Variants in ATP13A1 observed in about 807,000 individuals in gnomAD.
The protein encoded by ATP13A1 is ATPase 13A1, also known as endoplasmic reticulum transmembrane helix translocase.
A neutral mutation model predicts 134.8 loss-of-function variants in ATP13A1; 55 were observed. The observed-to-expected ratio is 0.41, with a 90% confidence interval of 0.33 to 0.51. The LOEUF is 0.51. ATP13A1 is among the 20% of genes least tolerant of loss of function. The probability of loss-of-function intolerance (pLI) is 0.29; values close to 1 mark genes in which losing one functional copy is unlikely to be tolerated. For synonymous variants in ATP13A1, 775 were observed against 725.1 expected (o/e 1.07, Z -1.10); for missense variants, 1,389 against 1,652.8 (o/e 0.84, Z 2.77).
Position 19,646,290 on chromosome 19 carries a change from T to C in ATP13A1, c.3163A>G (p.Ile1055Val), listed in dbSNP as rs148039463. ...AAGAACTGGAGCATGACGGTGAGGA[T>C]GGTGTACAGGTTGAAGATGTTGGGC... ...PLPNIFNLYT[I>V]LTVMLQFFVH... Residue 1055 changes from isoleucine to valine, a missense_variant, in exon 23 of 26, where the codon ATC becomes GTC. By Grantham distance (29) the Ile-to-Val change is conservative. This residue lies in a region of ATP13A1 where 228 missense variants were observed against 321.0 expected (regional missense o/e 0.71). Transcript: ENST00000357324. 3.7e-4 allele frequency: 590 copies of C among 1,613,584 alleles called. No individual in the cohort carries two copies. The highest frequency in any genetic ancestry group is 4.9e-4 in the Non-Finnish European group (576 of 1,179,790).
Position 19,659,940 on chromosome 19 carries a change from G to A in ATP13A1, c.444C>T (p.Pro148=), listed in dbSNP as rs768896939. The change falls in exon 2 of 26, where the codon CCC becomes CCT. Residue 148 remains proline (P), a synonymous_variant. Coordinates refer to ENST00000357324, the MANE Select transcript of ATP13A1 (RefSeq NM_020410.3). ...CCACGAGCTCCGTGGAGCCATTGTTGGGGGTTGGCACCACCTTCACAAAGG... is the reference window on the plus strand; with the variant it reads ...CCACGAGCTCCGTGGAGCCATTGTTAGGGGTTGGCACCACCTTCACAAAGG... ...KATFVKVVPT[P]NNGSTELVAL... is the part of the protein sequence containing the mutation. The A allele has an allele frequency of 1.9e-6, 3 of 1,586,198 alleles. No homozygotes were observed. The highest frequency in any genetic ancestry group is 4.6e-5 in the East Asian group (2 of 43,874).
rs1391596964 is a variant in ATP13A1 at position 19,655,021 on chromosome 19, C to T, written c.1655+98G>A. On this transcript the variant is annotated intron_variant, in intron 12 of 25. Coordinates refer to ENST00000357324, the MANE Select transcript of ATP13A1 (RefSeq NM_020410.3). This position sits in a 1 kb window ranked among gnomAD's most constrained non-coding sequence, Gnocchi z 5.7. Reference sequence around the variant, plus strand: ...AACCCGAGGCAGGGCCTCTGACGGGCCCTCACTGCAAGGGCTTGGGGTGGA... The same window carrying T: ...AACCCGAGGCAGGGCCTCTGACGGGTCCTCACTGCAAGGGCTTGGGGTGGA... 2.6e-6 allele frequency: 4 copies of T among 1,523,714 alleles called. No homozygotes were observed. Among genetic ancestry groups the T allele is most frequent in the Non-Finnish European group, 3.5e-6 (4 of 1,134,788 alleles). 94.4% of individuals were successfully genotyped at this position (1,523,714 alleles called of 1,614,324 possible). A position where few individuals can be genotyped will look rare whatever the true frequency, so the allele number is the denominator to read the frequency against.
Position 19,659,881 on chromosome 19 carries a change from C to T in ATP13A1, c.486+17G>A. 2 of 1,587,978 alleles carry T rather than the reference C, an allele frequency of 1.3e-6. No individual in the cohort carries two copies. The highest frequency in any genetic ancestry group is 1.7e-6 in the Non-Finnish European group (2 of 1,166,754). ...TACTCAAGCCCCTCCTCCAGGAGCC[C>T]AGCAGGCAGTCCCTACCTCATTGCG... On this transcript the variant is annotated intron_variant, in intron 2 of 25. Coordinates refer to ENST00000357324, the MANE Select transcript of ATP13A1 (RefSeq NM_020410.3).
In ATP13A1 at chr19:19,646,194, G is replaced by A. The variant is rs1179553827; in HGVS notation, c.3248+11C>T. ...CTGCAGGGACATCACCTCCTCCAAG[G>A]CAGCACTTACTTCTCGGGGCTCCGG... On this transcript the variant is annotated intron_variant, in intron 23 of 25. Coordinates refer to ENST00000357324, the MANE Select transcript of ATP13A1 (RefSeq NM_020410.3). 1.9e-6 allele frequency: 3 copies of A among 1,613,444 alleles called. No homozygotes were observed. The African/African-American group carries it at 4.0e-5, about 22-fold the overall frequency.
rs755379513 is a variant in ATP13A1, at chr19:19,654,005, C to G, written c.1953G>C (p.Ala651=). ...GAGTTTCGGGGGCCCCCTTCACGGC[C>G]GCGATGTAGCAGAGGTCGGTGGAGC... ...KLGSTDLCYI[A]AVKGAPETLH... The change falls in exon 14 of 26, where the codon GCG becomes GCC. Residue 651 remains alanine (A), a synonymous_variant. Transcript: ENST00000357324. The G allele has an allele frequency of 5.6e-6, 9 of 1,598,728 alleles. No individual in the cohort carries two copies. The highest frequency in any genetic ancestry group is 1.7e-5 in the Admixed American group (1 of 57,548).
At chr19:19,662,013 GAAA>G in intron 1 of ATP13A1, 1 of 1,548,164 alleles carries the variant, frequency 6.5e-7, no homozygotes. Flanking sequence ...ACAGAAGGGG[GAAA>G]CTGAAACTCA....
At chr19:19,662,039 G>C in intron 1 of ATP13A1, 1 of 1,562,030 alleles carries the variant, frequency 6.4e-7, no homozygotes, top group Non-Finnish European at 8.7e-7. Context: ...GAGCAGAAGC[G>C]GCCCTTTCTG....
Position 19,651,797 on chromosome 19 carries a change from C to T in ATP13A1, c.2227G>A (p.Val743Met). 6.2e-7 allele frequency: 1 copy of T among 1,611,066 alleles called. No individual in the cohort carries two copies. The highest frequency in any genetic ancestry group is 8.5e-7 in the Non-Finnish European group (1 of 1,178,458). ...IREIQNASHR[V>M]VMITGDNPLT... ...GGGTTGTCTCCCGTGATCATGACCA[C>T]CTTGGGTAAAGAGGGGCAGAGGCTC... The change falls in exon 17 of 26, where the codon GTG becomes ATG. Residue 743 changes from valine to methionine, a missense_variant and splice_region_variant. Val to Met is a conservative substitution (Grantham distance 21). Around this residue, in one of 4 missense-constraint regions of ATP13A1, gnomAD observed 747 missense variants for 956.1 expected, o/e 0.78. Coordinates refer to ENST00000357324, the MANE Select transcript of ATP13A1 (RefSeq NM_020410.3).
Position 19,656,962 on chromosome 19 carries a change from A to G in ATP13A1, c.906+32T>C. 6.2e-7 allele frequency: 1 copy of G among 1,604,506 alleles called. No individual in the cohort carries two copies. Among genetic ancestry groups the G allele is most frequent in the Non-Finnish European group, 8.5e-7 (1 of 1,175,856 alleles). ...AGCACAGAAGCCGCACCTGTGCTGC[A>G]CCCCCAACCTGGGTCTCCCTGGCAG... On this transcript the variant is annotated intron_variant, in intron 5 of 25. Coordinates refer to ENST00000357324, the MANE Select transcript of ATP13A1 (RefSeq NM_020410.3). The surrounding 1 kb of genome is among the most constrained non-coding windows in gnomAD (Gnocchi z 4.6).
chr19:19,647,398 G>A lies in ATP13A1; in HGVS notation c.2908+16C>T, dbSNP rs533683085. ...GGGGGGAATGAAGGGAGGGGGAGCG[G>A]GGGCAGGCAACTCACTGCACTGGAT... is the stretch of plus-strand genomic sequence containing the variant. On this transcript the variant is annotated intron_variant, in intron 21 of 25. Coordinates refer to ENST00000357324, the MANE Select transcript of ATP13A1 (RefSeq NM_020410.3). The surrounding 1 kb of genome is among the most constrained non-coding windows in gnomAD (Gnocchi z 4.8). 4.3e-6 allele frequency: 7 copies of A among 1,609,820 alleles called. No homozygotes were observed. In the African/African-American group the frequency reaches 5.3e-5, roughly 12 times the overall value.
Position 19,653,049 on chromosome 19 carries a change from AG to A in ATP13A1, c.2101-330del. 1 of 302,618 alleles carries A rather than the reference AG, an allele frequency of 3.3e-6. No individual in the cohort carries two copies. The highest frequency in any genetic ancestry group is 7.7e-5 in the East Asian group (1 of 12,992). 18.7% of individuals were successfully genotyped at this position (302,618 alleles called of 1,614,324 possible). On this transcript the variant is annotated intron_variant, in intron 15 of 25. Coordinates refer to ENST00000357324, the MANE Select transcript of ATP13A1 (RefSeq NM_020410.3). The surrounding 1 kb of genome is among the most constrained non-coding windows in gnomAD (Gnocchi z 4.2). ...CTCCCAATAATGTTGGAGTTTAGCCAGGAACTCTTACTCACTGGGGCTCCAC... is the reference window on the plus strand; with the variant it reads ...CTCCCAATAATGTTGGAGTTTAGCCAGAACTCTTACTCACTGGGGCTCCAC...
chr19:19,663,392 C>A lies in ATP13A1; in HGVS notation c.275G>T (p.Ser92Ile), dbSNP rs1430945874. Residue 92 changes from serine to isoleucine, a missense_variant, in exon 1 of 26, where the codon AGT (serine) becomes ATT (isoleucine). By Grantham distance (142) the Ser-to-Ile change is moderately radical. Coordinates refer to ENST00000357324, the MANE Select transcript of ATP13A1 (RefSeq NM_020410.3). ...AAAGCWGWGS[S>I]WVQIPEAALL... The stretch of plus-strand genomic sequence containing the variant: ...CGCAGCTTCGGGGATCTGCACCCAA[C>A]TGCTGCCCCAGCCCCAGCAGCCAGC... 5 of 1,585,814 alleles carry A rather than the reference C, an allele frequency of 3.2e-6. No homozygotes were observed. The highest frequency in any genetic ancestry group is 4.3e-6 in the Non-Finnish European group (5 of 1,167,956).
At chr19:19,658,173 A>G (rs895105123) in intron 3 of ATP13A1, among the ~76,000 whole-genome samples, 28 of 142,010 alleles carry the variant, frequency 2.0e-4, no homozygotes, top group Non-Finnish European at 3.5e-4. Context: ...AAAAAAAAAA[A>G]GGCTCGAGAA....
chr19:19,661,975 A>G (rs1478315318), intron 1 of ATP13A1: 9 of 1,488,508 alleles, frequency 6.0e-6, no homozygotes, highest in Admixed American at 2.0e-5. Flanking sequence ...GATGGCACCC[A>G]GTAGTTGTTA....
In ATP13A1 at chr19:19,663,499, G is replaced by A. The variant is rs1295030548; in HGVS notation, c.168C>T (p.Tyr56=). 6 of 1,534,968 alleles carry A rather than the reference G, an allele frequency of 3.9e-6. No individual in the cohort carries two copies. Among genetic ancestry groups the A allele is most frequent in the Non-Finnish European group, 5.2e-6 (6 of 1,145,848 alleles). The change falls in exon 1 of 26, where the codon TAC becomes TAT. Residue 56 remains tyrosine, a synonymous_variant. Transcript: ENST00000357324. ...GDELVAAVWP[Y]RRLALLRRLT... ...GGCGCCGCAACAGCGCCAACCGCCG[G>A]TACGGCCACACGGCAGCCACCAGCT...
chr19:19,655,965 T>C lies in ATP13A1; in HGVS notation c.1214-32A>G, dbSNP rs1185564315. 3.1e-6 allele frequency: 5 copies of C among 1,607,046 alleles called. No individual in the cohort carries two copies. Among genetic ancestry groups the C allele is most frequent in the Non-Finnish European group, 4.2e-6 (5 of 1,178,648 alleles). On this transcript the variant is annotated intron_variant, in intron 8 of 25. Coordinates refer to ENST00000357324, the MANE Select transcript of ATP13A1 (RefSeq NM_020410.3). This position sits in a 1 kb window ranked among gnomAD's most constrained non-coding sequence, Gnocchi z 5.7. ...AGAGAAGCAGAGTCACCGTCATGCCTGTCTCCTCGTCCTGACTCCCTCATG... is the reference window on the plus strand; with the variant it reads ...AGAGAAGCAGAGTCACCGTCATGCCCGTCTCCTCGTCCTGACTCCCTCATG...
chr19:19,645,476 G>A lies in ATP13A1; in HGVS notation c.3561C>T (p.Ala1187=), dbSNP rs145136517. The change falls in exon 26 of 26, where the codon GCC becomes GCT. Residue 1187 remains alanine (A), a synonymous_variant. Transcript: ENST00000357324. The surrounding 1 kb of genome is among the most constrained non-coding windows in gnomAD (Gnocchi z 4.1). ...CCAGGAAGAACTGCAGGACGCGGTC[G>A]GCCAGGAGCGCCAGGCAGAAGTCCA... ...LLLDFCLALL[A]DRVLQFFLGT... The A allele has an allele frequency of 6.0e-5, 97 of 1,608,444 alleles. No individual in the cohort carries two copies. Among genetic ancestry groups the A allele is most frequent in the African/African-American group, 4.9e-4 (37 of 74,840 alleles).
intron 3 of ATP13A1, among the ~76,000 whole-genome samples, chr19:19,657,772 G>A (rs959543594): frequency 2.6e-5 from 4 of 152,172 alleles, no homozygotes; most frequent in Non-Finnish European, 5.9e-5. Flanking sequence ...ATTGAAAGAT[G>A]GAGGCCCTGA....
intron 22 of ATP13A1, 72 bp from the exon 23 acceptor site, chr19:19,646,419 G>A (rs1458391649): frequency 7.1e-5 from 112 of 1,570,366 alleles, no homozygotes; most frequent in Non-Finnish European, 9.2e-5. Context: ...ACAGCAGGCA[G>A]TAACATCCCC....
Sources: allele counts gnomAD v4.1 joint callset (sites outside exome capture counted in the v4.1 genomes callset), GRCh38; gene constraint gnomAD v4.1.1; regional missense constraint gnomAD v4.1.1; non-coding constraint Gnocchi (gnomAD v3.1); transcripts MANE v1.5; gene names NCBI Gene and HGNC (gene_info 2026-07-23, HGNC 2026-07-21).